CADM2: variants seen among roughly 807,000 people sequenced by gnomAD.
CADM2 encodes immunoglobulin superfamily member 4D.
A neutral mutation model predicts 49.8 loss-of-function variants in CADM2; 12 were observed. That is an observed-to-expected ratio of 0.24 (90% CI 0.15 to 0.39). The LOEUF is 0.39. CADM2 is among the 10% of genes least tolerant of loss of function. The pLI is 1.00. For missense variants in CADM2, 378 were observed against 492.3 expected, an observed-to-expected ratio of 0.77 and a Z score of 2.20; for synonymous variants, 214 against 175.4, an observed-to-expected ratio of 1.22 and a Z score of -1.74.
chr3:85,309,010 A>G (rs1247006063), intron 1 of CADM2, among the ~76,000 whole-genome samples: 2 of 152,082 alleles, frequency 1.3e-5, no homozygotes, highest in Non-Finnish European at 2.9e-5. Context: ...TCAGTTCTCC[A>G]TATAAACTGG....
At chr3:85,717,312 A>G (rs988288359) in intron 1 of CADM2, among the ~76,000 whole-genome samples, 5 of 152,078 alleles carry the variant, frequency 3.3e-5, no homozygotes, top group African/African-American at 1.2e-4. Context: ...TTATTGCTGG[A>G]TAGGAATGCT....
intron 1 of CADM2, among the ~76,000 whole-genome samples, chr3:85,602,794 A>G (rs577087542): frequency 9.7e-4 from 148 of 152,006 alleles, no homozygotes; most frequent in African/African-American, 3.5e-3. Context: ...AGAGGTGTTC[A>G]TTCATGTTAA....
intron 1 of CADM2, among the ~76,000 whole-genome samples, chr3:85,393,369 G>A (rs1365101771): frequency 6.6e-6 from 1 of 152,126 alleles, no homozygotes; most frequent in Non-Finnish European, 1.5e-5. Context: ...CAAACAATTA[G>A]AAATTCCCAA....
chr3:86,016,919 C>G (rs1279939273), intron 8 of CADM2, among the ~76,000 whole-genome samples: 1 of 152,064 alleles, frequency 6.6e-6, no homozygotes, highest in Non-Finnish European at 1.5e-5. Context: ...TTAAAACTTT[C>G]ACTGATTTTT....
chr3:85,718,547 G>T (rs944470424), intron 1 of CADM2, among the ~76,000 whole-genome samples: 2 of 152,074 alleles, frequency 1.3e-5, no homozygotes, highest in African/African-American at 4.8e-5. Context: ...ATAAGAAAAA[G>T]AGATTTAAAA....
At chr3:85,507,546 C>A (rs1477373630) in intron 1 of CADM2, among the ~76,000 whole-genome samples, 1 of 152,110 alleles carries the variant, frequency 6.6e-6, no homozygotes, top group African/African-American at 2.4e-5. Flanking sequence ...TTATTTATAT[C>A]CAAACATTAT....
chr3:85,361,176 G>A (rs1238651498), intron 1 of CADM2, among the ~76,000 whole-genome samples: 4 of 152,096 alleles, frequency 2.6e-5, no homozygotes, highest in African/African-American at 7.2e-5. Flanking sequence ...AGCATTGAAC[G>A]ATTCATGAAT....
intron 1 of CADM2, among the ~76,000 whole-genome samples, chr3:85,187,433 C>T (rs1223030514): frequency 1.3e-5 from 2 of 151,894 alleles, no homozygotes; most frequent in Admixed American, 1.3e-4. Context: ...CAAAAAGAAA[C>T]ATCTCCTCAT....
chr3:85,224,227 A>G (rs986311042), intron 1 of CADM2, among the ~76,000 whole-genome samples: 68 of 152,272 alleles, frequency 4.5e-4, no homozygotes, highest in African/African-American at 1.5e-3. Context: ...CCAACAATGT[A>G]AAAGCATTGC....
intron 8 of CADM2, among the ~76,000 whole-genome samples, chr3:85,997,788 G>A (rs1729613691): frequency 6.6e-6 from 1 of 152,124 alleles, no homozygotes; most frequent in Admixed American, 6.5e-5. Context: ...AGAAATGCAA[G>A]CTGACTTTGC....
At chr3:85,954,681 T>G (rs989361457) in intron 7 of CADM2, among the ~76,000 whole-genome samples, 1 of 151,350 alleles carries the variant, frequency 6.6e-6, no homozygotes, top group South Asian at 2.1e-4. Context: ...TTCAGGATTC[T>G]TTTTTCCTGA....
At chr3:85,873,518 T>C (rs1237495475) in intron 3 of CADM2, among the ~76,000 whole-genome samples, 1 of 151,806 alleles carries the variant, frequency 6.6e-6, no homozygotes, top group African/African-American at 2.4e-5. Context: ...ATAGGAAAAT[T>C]AGTCAGGCAT....
intron 1 of CADM2, among the ~76,000 whole-genome samples, chr3:85,697,118 T>C (rs2066591869): frequency 6.6e-6 from 1 of 150,934 alleles, no homozygotes; most frequent in Non-Finnish European, 1.5e-5. Context: ...ATATGGCATA[T>C]ATATATATGG....
chr3:85,631,044 C>A (rs2064290611), intron 1 of CADM2, among the ~76,000 whole-genome samples: 1 of 152,092 alleles, frequency 6.6e-6, no homozygotes, highest in East Asian at 1.9e-4. Flanking sequence ...AATTTGATCC[C>A]TTTTTTATTC....
chr3:85,026,596 T>C (rs1164806804), intron 1 of CADM2, among the ~76,000 whole-genome samples: 1 of 152,170 alleles, frequency 6.6e-6, no homozygotes, highest in African/African-American at 2.4e-5. Flanking sequence ...TGATTTAGTA[T>C]AGTAAATTGA....
At chr3:85,169,129 G>C (rs1219893282) in intron 1 of CADM2, among the ~76,000 whole-genome samples, 1 of 151,586 alleles carries the variant, frequency 6.6e-6, no homozygotes, top group East Asian at 1.9e-4. Flanking sequence ...GTTTTGTTTT[G>C]TTCTGTTTTG....
chr3:86,038,828 G>A (rs1267932911), intron 8 of CADM2, among the ~76,000 whole-genome samples: 1 of 152,112 alleles, frequency 6.6e-6, no homozygotes, highest in Admixed American at 6.6e-5. Context: ...TTTGTTAAAT[G>A]ATTTTCCTAG....
chr3:85,941,769 A>C lies in CADM2; in HGVS notation c.791+5912A>C, dbSNP rs1721944519. 2.0e-5 allele frequency among the ~76,000 whole-genome samples: 3 copies of C among 152,110 alleles called. No homozygotes were observed. The South Asian group carries it at 6.2e-4, about 31-fold the overall frequency. On this transcript the variant is annotated intron_variant, in intron 7 of 9. Coordinates refer to ENST00000383699, the MANE Select transcript of CADM2 (RefSeq NM_001167675.2). ...AGTTAGCAAGTTTTGACAAAGAACA[A>C]ATGCAGATCTGGAAGGCCTTAAAGA...
intron 1 of CADM2, among the ~76,000 whole-genome samples, chr3:85,383,410 A>G (rs1235994027): frequency 6.6e-6 from 1 of 151,494 alleles, no homozygotes; most frequent in Non-Finnish European, 1.5e-5. Flanking sequence ...TGAATTAGAT[A>G]AATCAGAAAA....
Sources: gnomAD v4.1 joint callset for allele counts (sites outside exome capture counted in the v4.1 genomes callset) on GRCh38, gnomAD v4.1.1 for gene constraint, MANE v1.5 for transcripts, NCBI Gene and HGNC (gene_info 2026-07-23, HGNC 2026-07-21) for gene names.